CCDC134: variants seen among roughly 807,000 people sequenced by gnomAD.
CCDC134 encodes coiled-coil domain-containing protein 134.
A neutral mutation model predicts 25.6 loss-of-function variants in CCDC134; 27 were observed. The observed-to-expected ratio is 1.05, with a 90% confidence interval of 0.78 to 1.45. CCDC134 has a LOEUF of 1.45. Ranked by LOEUF, CCDC134 falls within the 40% of genes most tolerant of loss-of-function variation. The pLI, the probability that CCDC134 is intolerant of heterozygous loss-of-function variation, is 0.00. For synonymous variants in CCDC134, 110 were observed against 115.0 expected (o/e 0.96, Z 0.28); for missense variants, 261 against 286.7 (o/e 0.91, Z 0.65).
chr22:41,825,646 C>T lies in CCDC134; in HGVS notation c.565-52C>T, dbSNP rs41281295. 186,257 of 1,609,174 alleles carry T rather than the reference C, an allele frequency of 0.12. 15,708 individuals are homozygous for T. The highest frequency in any genetic ancestry group is 0.44 in the Admixed American group (26,099 of 59,572). ...ACCCCGCTGGTGGCCTAGCTCAGAGCAGGCTCTTTGCTGCCACAGACTAAA... is the reference window on the plus strand; with the variant it reads ...ACCCCGCTGGTGGCCTAGCTCAGAGTAGGCTCTTTGCTGCCACAGACTAAA... On this transcript the variant is annotated intron_variant, in intron 6 of 6. Transcript: ENST00000255784. The surrounding 1 kb of genome is among the most constrained non-coding windows in gnomAD (Gnocchi z 4.4).
intron 6 of CCDC134, among the ~76,000 whole-genome samples, chr22:41,824,799 G>A (rs963048222): frequency 5.3e-5 from 8 of 152,070 alleles, no homozygotes; most frequent in Non-Finnish European, 1.2e-4. Context: ...ACTGCAGTGA[G>A]GAGAATGACT....
chr22:41,824,325 A>C (rs1460101674), intron 6 of CCDC134, among the ~76,000 whole-genome samples: 1 of 152,198 alleles, frequency 6.6e-6, no homozygotes, highest in Non-Finnish European at 1.5e-5. Flanking sequence ...GGTACAGGGA[A>C]TCCAAGAACA....
Position 41,810,233 on chromosome 22 carries a change from C to T in CCDC134, c.252C>T (p.Leu84=), listed in dbSNP as rs747876754. 3.1e-6 allele frequency: 5 copies of T among 1,614,080 alleles called. No individual in the cohort carries two copies. Among genetic ancestry groups the T allele is most frequent in the African/African-American group, 1.3e-5 (1 of 75,042 alleles). The change falls in exon 4 of 7, where the codon CTC becomes CTT. Residue 84 remains leucine, a synonymous_variant. Transcript: ENST00000255784. ...FKVLEDSRTV[L]TAADVLPDGP... The stretch of plus-strand genomic sequence containing the variant: ...TGCTGGAGGACTCCCGGACAGTGCT[C>T]ACCGCTGCTGATGTGCTCCCAGATG...
Position 41,830,408 on chromosome 22 carries a change from G to A in CCDC134, c.*4585G>A, listed in dbSNP as rs553513164. On this transcript the variant is annotated 3_prime_UTR_variant, in exon 7 of 7. Coordinates refer to ENST00000255784, the MANE Select transcript of CCDC134 (RefSeq NM_024821.5). ...GAGGGGGTCACTGAGGTTCTGGGTT[G>A]TGGGGGGTGCCCTGGGCCAGAGTGA... Among the ~76,000 whole-genome samples, 30 of 152,328 alleles carry A rather than the reference G, an allele frequency of 2.0e-4. No individual in the cohort carries two copies. The highest frequency in any genetic ancestry group is 7.0e-4 in the African/African-American group (29 of 41,572).
chr22:41,812,940 G>T (rs1262684667), intron 4 of CCDC134, among the ~76,000 whole-genome samples: 1 of 152,200 alleles, frequency 6.6e-6, no homozygotes, highest in African/African-American at 2.4e-5. Context: ...CTTCTAAGCA[G>T]CAAGATGTGC....
rs919636285 is a variant in CCDC134 at position 41,827,387 on chromosome 22, G to C, written c.*1564G>C. On this transcript the variant is annotated 3_prime_UTR_variant, in exon 7 of 7. Coordinates refer to ENST00000255784, the MANE Select transcript of CCDC134 (RefSeq NM_024821.5). ...CCCAGCCACATGGACACCCGAGTCT[G>C]TGAACTAAAGGGCTGGTCCATGGCA... 2.0e-5 allele frequency among the ~76,000 whole-genome samples: 3 copies of C among 152,216 alleles called. No individual in the cohort carries two copies. The highest frequency in any genetic ancestry group is 4.4e-5 in the Non-Finnish European group (3 of 68,046).
chr22:41,816,744 C>T (rs2076624478), intron 6 of CCDC134, among the ~76,000 whole-genome samples: 1 of 152,064 alleles, frequency 6.6e-6, no homozygotes, highest in African/African-American at 2.4e-5. Context: ...ATGGTGAAAC[C>T]CCGTCTCTAC....
chr22:41,809,794 G>C, intron 2 of CCDC134, 85 bp from the exon 3 acceptor site: 1 of 1,566,576 alleles, frequency 6.4e-7, no homozygotes, highest in Non-Finnish European at 8.7e-7. Context: ...ATACTTGCTG[G>C]TCAGGAATGA....
chr22:41,806,024 G>C (rs2076565786), intron 1 of CCDC134, among the ~76,000 whole-genome samples: 1 of 152,028 alleles, frequency 6.6e-6, no homozygotes, highest in East Asian at 1.9e-4. Flanking sequence ...TTCTTCATTA[G>C]AGTTCTGAAA....
rs1274201689 is a variant in CCDC134 at position 41,825,639 on chromosome 22, C to T, written c.565-59C>T. On this transcript the variant is annotated intron_variant, in intron 6 of 6. Coordinates refer to ENST00000255784, the MANE Select transcript of CCDC134 (RefSeq NM_024821.5). This position sits in a 1 kb window ranked among gnomAD's most constrained non-coding sequence, Gnocchi z 4.4. ...TTCCCACACCCCGCTGGTGGCCTAGCTCAGAGCAGGCTCTTTGCTGCCACA... is the reference window on the plus strand; with the variant it reads ...TTCCCACACCCCGCTGGTGGCCTAGTTCAGAGCAGGCTCTTTGCTGCCACA... 9 of 1,606,460 alleles carry T rather than the reference C, an allele frequency of 5.6e-6. No homozygotes were observed. Among genetic ancestry groups the T allele is most frequent in the Non-Finnish European group, 7.7e-6 (9 of 1,175,576 alleles).
chr22:41,817,245 G>T (rs764159103), intron 6 of CCDC134, among the ~76,000 whole-genome samples: 3 of 152,150 alleles, frequency 2.0e-5, no homozygotes, highest in Non-Finnish European at 2.9e-5. Context: ...TAGTGGGTAT[G>T]TTACCATGCC....
At chr22:41,824,029 A>T (rs1195989897) in intron 6 of CCDC134, among the ~76,000 whole-genome samples, 1 of 152,226 alleles carries the variant, frequency 6.6e-6, no homozygotes, top group Admixed American at 6.5e-5. Flanking sequence ...CACATATTGA[A>T]TGCTCTTGAA....
intron 1 of CCDC134, among the ~76,000 whole-genome samples, chr22:41,803,114 CA>C (rs1313813993): frequency 3.0e-4 from 43 of 143,760 alleles, no homozygotes; most frequent in Admixed American, 3.5e-4. Context: ...AACTCCGTCT[CA>C]AAAAAAAAAA....
At chr22:41,810,372 CTT>C (rs1009513396) in intron 4 of CCDC134, 81 bp downstream of exon 4, 3 of 1,352,970 alleles carry the variant, frequency 2.2e-6, no homozygotes, top group African/African-American at 2.9e-5. Flanking sequence ...TCTTGTCACT[CTT>C]TTTTTCTCCC....
intron 6 of CCDC134, among the ~76,000 whole-genome samples, chr22:41,820,244 C>T (rs911866795): frequency 2.0e-5 from 3 of 151,752 alleles, no homozygotes; most frequent in African/African-American, 7.3e-5. Context: ...GATCCGCCCA[C>T]CTCGGCCTCC....
At chr22:41,816,635 C>T (rs112646993) in intron 6 of CCDC134, among the ~76,000 whole-genome samples, 2 of 152,298 alleles carry the variant, frequency 1.3e-5, no homozygotes, top group African/African-American at 4.8e-5. Context: ...GGTATATCCT[C>T]CCCAGGTGGC....
intron 4 of CCDC134, 61 bp from the exon 5 acceptor site, chr22:41,813,203 G>C: frequency 6.4e-7 from 1 of 1,551,152 alleles, no homozygotes; most frequent in Non-Finnish European, 8.9e-7. Flanking sequence ...AGGATGCCAG[G>C]GGCCAGTGAG....
rs769214621 is a variant in CCDC134, at chr22:41,825,778, G to A, written c.645G>A (p.Glu215=). Residue 215 remains glutamate (E), a synonymous_variant, in exon 7 of 7, where the codon GAG becomes GAA. Transcript: ENST00000255784. The surrounding 1 kb of genome is among the most constrained non-coding windows in gnomAD (Gnocchi z 4.4). ...KRRKKEEKRK[E]IRKGPRISRS... is the part of the protein sequence containing the mutation. ...GAAAGAAAGAGGAGAAGCGGAAGGA[G>A]ATCCGAAAAGGCCCAAGGATCTCCA... 28 of 1,614,130 alleles carry A rather than the reference G, an allele frequency of 1.7e-5. No homozygotes were observed. Among genetic ancestry groups the A allele is most frequent in the Non-Finnish European group, 2.4e-5 (28 of 1,180,048 alleles).
intron 6 of CCDC134, among the ~76,000 whole-genome samples, chr22:41,819,995 AT>A (rs1569358020): frequency 8.1e-4 from 108 of 132,918 alleles, no homozygotes; most frequent in African/African-American, 2.5e-3. Flanking sequence ...ATATATATAT[AT>A]ATAATTTTTT....
Sources: gnomAD v4.1 joint callset for allele counts (sites outside exome capture counted in the v4.1 genomes callset) on GRCh38, gnomAD v4.1.1 for gene constraint, Gnocchi (gnomAD v3.1) non-coding constraint, MANE v1.5 for transcripts, NCBI Gene and HGNC (gene_info 2026-07-23, HGNC 2026-07-21) for gene names.